The following TET1 variants were observed in gnomAD, a reference collection of about 807,000 sequenced individuals.
The protein encoded by TET1 is methylcytosine dioxygenase TET1.
TET1 carries 13 observed loss-of-function variants against 148.7 expected under a neutral mutation model. The observed-to-expected ratio is 0.09, with a 90% CI of 0.06 to 0.14. The LOEUF (loss-of-function observed/expected upper bound fraction) is 0.14, where lower values mean the gene tolerates loss of function less well. Ranked by LOEUF, TET1 falls within the 10% of genes least tolerant of loss-of-function variation. The probability of loss-of-function intolerance (pLI) is 1.00; values close to 1 mark genes in which losing one functional copy is unlikely to be tolerated. For missense variants in TET1, 2,182 were observed against 2,553.8 expected, an observed-to-expected ratio of 0.85 and a Z score of 3.14; for synonymous variants, 907 against 937.2, an observed-to-expected ratio of 0.97 and a Z score of 0.59.
chr10:68,641,649 C>A (rs2054756698), intron 3 of TET1, among the ~76,000 whole-genome samples: 1 of 120,678 alleles, frequency 8.3e-6, no homozygotes, highest in Admixed American at 9.2e-5. Flanking sequence ...CAGGCGTACG[C>A]CACCCTGCCC....
intron 8 of TET1, among the ~76,000 whole-genome samples, chr10:68,678,957 C>G (rs551833896): frequency 8.2e-4 from 125 of 152,230 alleles, no homozygotes; most frequent in Admixed American, 3.2e-3. Flanking sequence ...AGGTGGATCA[C>G]TTGAGGTCAG....
At chr10:68,597,030 A>ATTTTTTTTTTTTTTTTT (rs553591899) in intron 2 of TET1, among the ~76,000 whole-genome samples, 1,108 of 98,734 alleles carry the variant, frequency 0.011, 104 homozygotes, top group Non-Finnish European at 0.013. Flanking sequence ...CAGCTAATGG[A>ATTTTTTTTTTTTTTTTT]TTTTTTTTTT....
chr10:68,603,044 T>A (rs1344356593), intron 3 of TET1, among the ~76,000 whole-genome samples: 1 of 151,384 alleles, frequency 6.6e-6, no homozygotes, highest in Non-Finnish European at 1.5e-5. Context: ...GGAGGGAGAG[T>A]GGGAGAGGAA....
At chr10:68,678,072 GT>G (rs1359828993) in intron 8 of TET1, among the ~76,000 whole-genome samples, 2 of 152,212 alleles carry the variant, frequency 1.3e-5, no homozygotes, top group East Asian at 3.8e-4. Flanking sequence ...GAATCAAAGA[GT>G]TTTAAGGAGG....
intron 3 of TET1, among the ~76,000 whole-genome samples, chr10:68,630,685 A>G (rs1264375104): frequency 1.3e-5 from 2 of 152,182 alleles, no homozygotes; most frequent in Non-Finnish European, 2.9e-5. Context: ...TTCAGGAGAA[A>G]GATCTTGTCT....
At chr10:68,676,820 A>G (rs1391274047) in intron 8 of TET1, among the ~76,000 whole-genome samples, 2 of 152,150 alleles carry the variant, frequency 1.3e-5, no homozygotes, top group African/African-American at 4.8e-5. Context: ...TAGTTGTGCA[A>G]ACTTCCTACT....
At chr10:68,666,536 T>G (rs925299082) in intron 6 of TET1, among the ~76,000 whole-genome samples, 7 of 152,234 alleles carry the variant, frequency 4.6e-5, no homozygotes, top group African/African-American at 1.4e-4. Context: ...TTGTGACATT[T>G]GTGGAATTTC....
At chr10:68,667,568 A>G (rs1262654102) in intron 7 of TET1, among the ~76,000 whole-genome samples, 1 of 152,016 alleles carries the variant, frequency 6.6e-6, no homozygotes, top group African/African-American at 2.4e-5. Flanking sequence ...ATCCTGGCTA[A>G]TATGTCTCCA....
At chr10:68,627,561 A>G (rs1379526415) in intron 3 of TET1, among the ~76,000 whole-genome samples, 1 of 152,030 alleles carries the variant, frequency 6.6e-6, no homozygotes, top group African/African-American at 2.4e-5. Context: ...GTGCTACTGC[A>G]CTCCGGTCTG....
intron 3 of TET1, among the ~76,000 whole-genome samples, chr10:68,628,572 A>C (rs1370387126): frequency 6.6e-6 from 1 of 152,224 alleles, no homozygotes; most frequent in African/African-American, 2.4e-5. Context: ...AATGGATTTG[A>C]TAGAGAGCTG....
At chr10:68,615,645 C>T (rs1257541990) in intron 3 of TET1, among the ~76,000 whole-genome samples, 2 of 151,804 alleles carry the variant, frequency 1.3e-5, no homozygotes, top group Non-Finnish European at 2.9e-5. Context: ...TGCGTCCAGG[C>T]AAGAACAGTG....
At chr10:68,671,001 T>G (rs2055265527) in intron 7 of TET1, among the ~76,000 whole-genome samples, 2 of 151,920 alleles carry the variant, frequency 1.3e-5, no homozygotes, top group Admixed American at 6.6e-5. Flanking sequence ...TCTTTTACTG[T>G]TTTTTTTGTT....
At chr10:68,600,462 G>GC (rs1462836425) in intron 2 of TET1, among the ~76,000 whole-genome samples, 2 of 152,200 alleles carry the variant, frequency 1.3e-5, no homozygotes, top group Non-Finnish European at 2.9e-5. Context: ...TGAGAGCCGA[G>GC]CCGCACAGGA....
intron 3 of TET1, among the ~76,000 whole-genome samples, chr10:68,622,212 TCCTTCCTTCCCTCCTTCCTC>T (rs529324276): frequency 0.098 from 12,256 of 125,264 alleles, 629 homozygotes; most frequent in East Asian, 0.17. Context: ...CTTCCTTCCT[TCCTTCCTTCCCTCCTTCCTC>T]CCTTCCCTCC....
chr10:68,615,767 A>G (rs1416785725), intron 3 of TET1, among the ~76,000 whole-genome samples: 1 of 151,632 alleles, frequency 6.6e-6, no homozygotes, highest in Admixed American at 6.6e-5. Context: ...CAAGCCTCCC[A>G]AGTAGCTGGG....
Position 68,672,940 on chromosome 10 carries a change from T to C in TET1, c.4719T>C (p.Ala1573=). The C allele has an allele frequency of 6.2e-7, 1 of 1,610,856 alleles. No individual in the cohort carries two copies. Among genetic ancestry groups the C allele is most frequent in the Non-Finnish European group, 8.5e-7 (1 of 1,177,680 alleles). ...CQGIDPETCG[A]SFSFGCSWSM... ...GAATTGATCCAGAGACTTGTGGAGC[T>C]TCATTCTCTTTTGGCTGTTCATGGA... is the stretch of plus-strand genomic sequence containing the variant. The change falls in exon 8 of 12, where the codon GCT becomes GCC. Residue 1573 remains alanine (A), a synonymous_variant. Transcript: ENST00000373644.
At chr10:68,636,683 T>C (rs2054655146) in intron 3 of TET1, among the ~76,000 whole-genome samples, 1 of 152,182 alleles carries the variant, frequency 6.6e-6, no homozygotes, top group Admixed American at 6.5e-5. Flanking sequence ...AGCCTGGCTC[T>C]AGTGAAGAGA....
intron 11 of TET1, among the ~76,000 whole-genome samples, chr10:68,688,099 G>A (rs66651579): frequency 0.11 from 16,178 of 151,814 alleles, 1,000 homozygotes; most frequent in South Asian, 0.17. Flanking sequence ...CCAGCTTTTC[G>A]CCTAATATAT....
At chr10:68,625,608 A>C (rs193179510) in intron 3 of TET1, among the ~76,000 whole-genome samples, 116 of 152,156 alleles carry the variant, frequency 7.6e-4, no homozygotes, top group Non-Finnish European at 1.6e-3. Context: ...TGTTATTTTT[A>C]CCTATTTTCA....
Sources: allele counts gnomAD v4.1 joint callset (sites outside exome capture counted in the v4.1 genomes callset), GRCh38; gene constraint gnomAD v4.1.1; transcripts MANE v1.5; gene names NCBI Gene and HGNC (gene_info 2026-07-23, HGNC 2026-07-21).